Variants in PRMT2 observed in about 807,000 individuals in gnomAD.
PRMT2 encodes protein arginine methyltransferase 2, also known as protein arginine N-methyltransferase 2.
PRMT2 carries 26 observed loss-of-function variants against 57.6 expected under a neutral mutation model. That is an observed-to-expected ratio of 0.45 (90% confidence interval 0.33 to 0.63). The LOEUF (loss-of-function observed/expected upper bound fraction) is 0.63. PRMT2 is among the 20% of genes least tolerant of loss of function. The pLI is 0.02. For synonymous variants in PRMT2, 219 were observed against 220.0 expected, an observed-to-expected ratio of 1.00 and a Z score of 0.04; for missense variants, 472 against 564.4, an observed-to-expected ratio of 0.84 and a Z score of 1.66.
At chr21:46,636,793 A>T in intron 2 of PRMT2, 103 bp from the exon 3 acceptor site, 1 of 625,640 alleles carries the variant, frequency 1.6e-6, no homozygotes, top group South Asian at 2.1e-5. Context: ...TACACATTTT[A>T]CTTCTATTTG....
chr21:46,661,591 G>A (rs1046606044), intron 9 of PRMT2: 6 of 398,234 alleles, frequency 1.5e-5, no homozygotes, highest in East Asian at 7.7e-5. Flanking sequence ...AAAATTGGGC[G>A]CAAGAAGCTC....
At chr21:46,639,726 G>A (rs1423861933) in intron 3 of PRMT2, among the ~76,000 whole-genome samples, 1 of 149,754 alleles carries the variant, frequency 6.7e-6, no homozygotes, top group Non-Finnish European at 1.5e-5. Flanking sequence ...GTGTGTGTGT[G>A]TATTTTTTTT....
chr21:46,652,350 T>C (rs2061473008), intron 7 of PRMT2: 1 of 1,126,838 alleles, frequency 8.9e-7, no homozygotes, highest in African/African-American at 1.6e-5. Context: ...AGCTAAAAAC[T>C]ATTAAATGGT....
chr21:46,646,074 C>A (rs890471948), intron 5 of PRMT2, among the ~76,000 whole-genome samples: 1 of 151,968 alleles, frequency 6.6e-6, no homozygotes, highest in Non-Finnish European at 1.5e-5. Context: ...GGAGTGGCTC[C>A]CCTGTTGGTT....
At chr21:46,652,298 A>G in intron 7 of PRMT2, 1 of 1,277,022 alleles carries the variant, frequency 7.8e-7, no homozygotes, top group Non-Finnish European at 9.9e-7. Flanking sequence ...GAAGCTGTCA[A>G]ATAAAATACT....
chr21:46,651,974 C>T (rs759318888), intron 7 of PRMT2: 1 of 1,613,324 alleles, frequency 6.2e-7, no homozygotes, highest in Non-Finnish European at 8.5e-7. Context: ...GCCCTCAGGC[C>T]TTCATCTCTC....
intron 7 of PRMT2, chr21:46,653,670 G>A (rs1453826509): frequency 1.6e-6 from 2 of 1,255,694 alleles, no homozygotes; most frequent in South Asian, 2.8e-5. Context: ...TGGAGCTCAT[G>A]TAGATCATTT....
At position 46,663,674 on chromosome 21, in the gene PRMT2, A is replaced by G. The variant is rs1601961046; in HGVS notation, c.1269+120A>G. ...CTGGGGTCCACGCCTTTTGTGCAGG[A>G]GTGATTTAATCCTTACACAGAAAGC... is the stretch of plus-strand genomic sequence containing the variant. On this transcript the variant is annotated intron_variant, in intron 11 of 11. Transcript: ENST00000355680. 1.2e-5 allele frequency: 12 copies of G among 1,028,832 alleles called. No individual in the cohort carries two copies. In the East Asian group the frequency reaches 3.1e-4, roughly 27 times the overall value. 63.7% of individuals were successfully genotyped at this position (1,028,832 alleles called of 1,614,324 possible). A position where few individuals can be genotyped will look rare whatever the true frequency, so the allele number is the denominator to read the frequency against.
intron 7 of PRMT2, chr21:46,656,729 G>A: frequency 6.6e-6 from 1 of 151,996 alleles, no homozygotes. Context: ...AAACCTCCTT[G>A]AAAAAATCAT....
In PRMT2 at chr21:46,658,748, G is replaced by C; in HGVS notation, c.658G>C (p.Glu220Gln). Residue 220 changes from glutamate (E) to glutamine (Q), a missense_variant, in exon 8 of 12, where the codon GAG (glutamate) becomes CAG (glutamine). Physicochemically the swap from Glu to Gln is conservative, Grantham distance 29 (BLOSUM62 2). Transcript: ENST00000355680. ...TGTGTCTTTCACTCCTATGCAGTTT[G>C]AGTTCATGATCGAGTCCATCCTGTA... Reference protein sequence around the residue: ...SEWMGTCLLFEFMIESILYAR... With the variant: ...SEWMGTCLLFQFMIESILYAR... The C allele has an allele frequency of 6.2e-7, 1 of 1,614,110 alleles. No homozygotes were observed. Among genetic ancestry groups the C allele is most frequent in the Non-Finnish European group, 8.5e-7 (1 of 1,179,980 alleles).
chr21:46,648,762 G>T lies in PRMT2; in HGVS notation c.489+143G>T. 1 of 1,088,268 alleles carries T rather than the reference G, an allele frequency of 9.2e-7. No homozygotes were observed. 67.4% of individuals were successfully genotyped at this position (1,088,268 alleles called of 1,614,324 possible). A position where few individuals can be genotyped will look rare whatever the true frequency, so the allele number is the denominator to read the frequency against. ...TGGTCTTGTTGAGCACCCTGCACGT[G>T]GGGCTCAGGGTCGGTAAAATAGCAG... On this transcript the variant is annotated intron_variant, in intron 6 of 11. Transcript: ENST00000355680. This position sits in a 1 kb window ranked among gnomAD's most constrained non-coding sequence, Gnocchi z 4.8.
chr21:46,662,841 C>T (rs1569166477), intron 10 of PRMT2, among the ~76,000 whole-genome samples: 1 of 152,192 alleles, frequency 6.6e-6, no homozygotes, highest in African/African-American at 2.4e-5. Context: ...CAGTTGTCCT[C>T]ACCTTGTAAC....
At chr21:46,663,780 C>T (rs374113395) in intron 11 of PRMT2, among the ~76,000 whole-genome samples, 3 of 152,158 alleles carry the variant, frequency 2.0e-5, no homozygotes, top group African/African-American at 4.8e-5. Flanking sequence ...GAAGTCATTC[C>T]CTCAGGTGAC....
chr21:46,663,937 C>T (rs1322490470), intron 11 of PRMT2, among the ~76,000 whole-genome samples: 1 of 152,132 alleles, frequency 6.6e-6, no homozygotes, highest in African/African-American at 2.4e-5. Context: ...AGCAGTTAGT[C>T]TAGGCGTGTC....
intron 7 of PRMT2, chr21:46,651,856 C>G (rs754939439): frequency 6.2e-7 from 1 of 1,612,990 alleles, no homozygotes; most frequent in Non-Finnish European, 8.5e-7. Flanking sequence ...GTGCGTCTGG[C>G]CCTCTTCACG....
intron 7 of PRMT2, chr21:46,653,213 ATAAT>A: frequency 1.0e-6 from 1 of 985,456 alleles, no homozygotes; most frequent in Non-Finnish European, 1.2e-6. Context: ...CAAAGATGTA[ATAAT>A]TCTCTTCACA....
chr21:46,659,048 A>G (rs1249892944), intron 8 of PRMT2, 128 bp downstream of exon 8: 1 of 1,449,334 alleles, frequency 6.9e-7, no homozygotes. Context: ...GCACCCAGAT[A>G]GGACAATCTG....
Position 46,644,370 on chromosome 21 carries a change from G to C in PRMT2, c.209G>C (p.Gly70Ala), listed in dbSNP as rs757886686. 6.2e-7 allele frequency: 1 copy of C among 1,612,990 alleles called. No individual in the cohort carries two copies. Among genetic ancestry groups the C allele is most frequent in the South Asian group, 1.1e-5 (1 of 90,856 alleles). ...LRQTTADWWW[G>A]ERAGCCGYIP... ...CAAACCACTGCAGATTGGTGGTGGG[G>C]TGAGCGTGCGGGCTGCTGTGGGTAC... The change falls in exon 5 of 12, where the codon GGT becomes GCT. Residue 70 changes from glycine (G) to alanine (A), a missense_variant. By Grantham distance (60) the Gly-to-Ala change is moderately conservative. Transcript: ENST00000355680.
chr21:46,663,885 C>T (rs539638207), intron 11 of PRMT2, among the ~76,000 whole-genome samples: 2 of 152,268 alleles, frequency 1.3e-5, no homozygotes, highest in East Asian at 3.9e-4. Flanking sequence ...CTGAGCTGTG[C>T]CTTGGCGCTC....
Sources: allele counts gnomAD v4.1 joint callset (sites outside exome capture counted in the v4.1 genomes callset), GRCh38; gene constraint gnomAD v4.1.1; non-coding constraint Gnocchi (gnomAD v3.1); transcripts MANE v1.5; gene names NCBI Gene and HGNC (gene_info 2026-07-23, HGNC 2026-07-21).